DHX35: variants seen among roughly 807,000 people sequenced by gnomAD.
The protein encoded by DHX35 is DEAH-box helicase 35.
Under a neutral mutation model 99.6 loss-of-function variants are expected in DHX35, and 84 were observed. The ratio of observed to expected loss-of-function variants is 0.84; its 90% CI spans 0.71 to 1.01. The LOEUF (loss-of-function observed/expected upper bound fraction) is 1.01, where lower values mean the gene tolerates loss of function less well. Among genes scored for constraint, DHX35 ranks in the 50% least tolerant of loss-of-function variants. The pLI, the probability that DHX35 is intolerant of heterozygous loss-of-function variation, is 0.00. For missense variants in DHX35, 852 were observed against 888.5 expected, an observed-to-expected ratio of 0.96 and a Z score of 0.52; for synonymous variants, 331 against 316.2, an observed-to-expected ratio of 1.05 and a Z score of -0.50.
intron 3 of DHX35, among the ~76,000 whole-genome samples, chr20:38,979,666 T>C (rs1307872514): frequency 3.9e-5 from 6 of 152,130 alleles, no homozygotes; most frequent in African/African-American, 1.2e-4. Flanking sequence ...TCTAGGAAAA[T>C]TGGAATGGCT....
intron 20 of DHX35, 148 bp downstream of exon 20, chr20:39,030,923 G>T: frequency 8.5e-6 from 7 of 820,008 alleles, no homozygotes; most frequent in Non-Finnish European, 1.1e-5. Flanking sequence ...AGCACTTTGG[G>T]AGGCCAATGT....
chr20:38,970,013 G>A (rs889054139), intron 2 of DHX35, among the ~76,000 whole-genome samples: 2 of 152,206 alleles, frequency 1.3e-5, no homozygotes, highest in Admixed American at 6.5e-5. Context: ...GTGGCCACCA[G>A]CATCTGTGTC....
At chr20:39,018,929 T>G (rs780600277) in intron 15 of DHX35, 30 bp downstream of exon 15, 4 of 1,610,168 alleles carry the variant, frequency 2.5e-6, no homozygotes, top group South Asian at 1.1e-5. Flanking sequence ...TTGAATTGAT[T>G]TTATTTTGAC....
At chr20:38,976,620 A>C (rs977292764) in intron 3 of DHX35, among the ~76,000 whole-genome samples, 3 of 152,130 alleles carry the variant, frequency 2.0e-5, no homozygotes, top group Non-Finnish European at 2.9e-5. Context: ...AATCTCCCTT[A>C]GCTATTTTGA....
chr20:38,998,690 A>G (rs2086469305), intron 8 of DHX35, among the ~76,000 whole-genome samples: 1 of 152,154 alleles, frequency 6.6e-6, no homozygotes, highest in Non-Finnish European at 1.5e-5. Flanking sequence ...AGATTCTTGC[A>G]TTGTTGGTAC....
chr20:38,992,483 AAGCAACTGT>A lies in DHX35; in HGVS notation c.582+66_582+74del, dbSNP rs995055119. The stretch of plus-strand genomic sequence containing the variant: ...TGTTTATTTTATTGCCTAATTACAA[AAGCAACTGT>A]AGCAACTTGGAAAGTACAACAAAAT... On this transcript the variant is annotated intron_variant, in intron 7 of 21. Coordinates refer to ENST00000252011, the MANE Select transcript of DHX35 (RefSeq NM_021931.4). 1.4e-5 allele frequency: 21 copies of A among 1,529,674 alleles called. No individual in the cohort carries two copies. The African/African-American group carries it at 2.6e-4, about 19-fold the overall frequency. The allele number at this position is 1,529,674 out of a possible 1,614,324, so 94.8% of individuals were successfully genotyped here. A position where few individuals can be genotyped will look rare whatever the true frequency, so the allele number is the denominator to read the frequency against.
chr20:38,978,617 T>A (rs2086119725), intron 3 of DHX35, among the ~76,000 whole-genome samples: 1 of 152,236 alleles, frequency 6.6e-6, no homozygotes, highest in Non-Finnish European at 1.5e-5. Flanking sequence ...TAGTTTGCAT[T>A]TATTTTCTCC....
intron 8 of DHX35, among the ~76,000 whole-genome samples, chr20:39,000,244 T>C (rs1257915439): frequency 1.3e-5 from 2 of 152,242 alleles, no homozygotes; most frequent in Non-Finnish European, 2.9e-5. Flanking sequence ...TAACTTTTCC[T>C]TCTATCAGAT....
intron 1 of DHX35, among the ~76,000 whole-genome samples, chr20:38,968,424 C>T (rs1000615645): frequency 6.6e-6 from 1 of 152,220 alleles, no homozygotes; most frequent in Non-Finnish European, 1.5e-5. Flanking sequence ...CACTGGGTTT[C>T]TTTCACTTCT....
Position 38,981,801 on chromosome 20 carries a change from G to A in DHX35, c.268-1898G>A, listed in dbSNP as rs376116876. ...CTACTAAAAATACAAAAAATTAGCC[G>A]GGCATGGTGTTGCATACTTGTAATC... On this transcript the variant is annotated intron_variant, in intron 3 of 21. Coordinates refer to ENST00000252011, the MANE Select transcript of DHX35 (RefSeq NM_021931.4). Among the ~76,000 whole-genome samples the A allele has an allele frequency of 5.3e-4, 81 of 152,042 alleles. 1 individual carries two copies. In the South Asian group the frequency reaches 0.016, roughly 30 times the overall value.
At chr20:39,001,610 C>A in intron 8 of DHX35, 120 bp from the exon 9 acceptor site, 1 of 672,114 alleles carries the variant, frequency 1.5e-6, no homozygotes, top group Non-Finnish European at 2.5e-6. Flanking sequence ...ATCTGTATTG[C>A]ACATATATAA....
At chr20:38,993,539 T>C (rs1056896685) in intron 7 of DHX35, among the ~76,000 whole-genome samples, 17 of 152,146 alleles carry the variant, frequency 1.1e-4, no homozygotes, top group Non-Finnish European at 5.9e-5. Flanking sequence ...TTTGTATTTT[T>C]AGTAGAGATG....
chr20:39,028,932 C>T (rs890520410), intron 19 of DHX35, among the ~76,000 whole-genome samples: 2 of 152,188 alleles, frequency 1.3e-5, no homozygotes, highest in African/African-American at 4.8e-5. Flanking sequence ...TGGAGGTAGC[C>T]AGGTGTTTCT....
chr20:39,026,136 A>G (rs1349679062), intron 18 of DHX35, among the ~76,000 whole-genome samples: 19 of 152,208 alleles, frequency 1.2e-4, no homozygotes, highest in Non-Finnish European at 7.3e-5. Flanking sequence ...CCTCAGCACC[A>G]TTAGTACTTG....
At chr20:38,983,064 T>C (rs780822503) in intron 3 of DHX35, among the ~76,000 whole-genome samples, 1 of 152,088 alleles carries the variant, frequency 6.6e-6, no homozygotes, top group Non-Finnish European at 1.5e-5. Flanking sequence ...TAGTCACGAT[T>C]ACAGGCATGT....
chr20:38,989,841 C>T (rs1305228804), intron 5 of DHX35, among the ~76,000 whole-genome samples: 1 of 152,062 alleles, frequency 6.6e-6, no homozygotes, highest in Non-Finnish European at 1.5e-5. Context: ...TGTGTACTAC[C>T]TACCACCGTG....
chr20:39,001,786 TGTGATCCTTACA>T lies in DHX35; in HGVS notation c.703_714del (p.Ile235_Val238del). 1 of 1,613,938 alleles carries T rather than the reference TGTGATCCTTACA, an allele frequency of 6.2e-7. No individual in the cohort carries two copies. Among genetic ancestry groups the T allele is most frequent in the Non-Finnish European group, 8.5e-7 (1 of 1,179,956 alleles). On this transcript the variant is annotated inframe_deletion, in exon 9 of 22. Transcript: ENST00000252011. ...CCAGTGATCCAGCAAGGGATACATGTGTGATCCTTACAGTGGAAGGGAGAACATTTCCGGTGG... is the reference window on the plus strand; with the variant it reads ...CCAGTGATCCAGCAAGGGATACATGTGTGGAAGGGAGAACATTTCCGGTGG...
At chr20:39,035,404 T>G (rs1353534631) in intron 21 of DHX35, among the ~76,000 whole-genome samples, 3 of 152,228 alleles carry the variant, frequency 2.0e-5, no homozygotes, top group Non-Finnish European at 4.4e-5. Flanking sequence ...CCTGTGCTGT[T>G]TGTGGCCTGA....
At chr20:39,026,495 C>T (rs375112848) in intron 18 of DHX35, among the ~76,000 whole-genome samples, 3 of 152,212 alleles carry the variant, frequency 2.0e-5, no homozygotes, top group South Asian at 4.2e-4. Context: ...CAGTCCTCTT[C>T]GAAGTTAAAG....
Sources: gnomAD v4.1 joint callset for allele counts (sites outside exome capture counted in the v4.1 genomes callset) on GRCh38, gnomAD v4.1.1 for gene constraint, MANE v1.5 for transcripts, NCBI Gene and HGNC (gene_info 2026-07-23, HGNC 2026-07-21) for gene names.